COL5A1: variants seen among roughly 807,000 people sequenced by gnomAD.
The protein encoded by COL5A1 is collagen type V alpha 1 chain, also known as collagen alpha-1(V) chain.
In COL5A1, 16 loss-of-function variants were observed where a neutral mutation model predicts 263.7. The observed-to-expected ratio is 0.06, with a 90% confidence interval of 0.04 to 0.09. The LOEUF is 0.09. Among genes scored for constraint, COL5A1 ranks in the 10% least tolerant of loss-of-function variants. COL5A1 has a pLI of 1.00. For missense variants in COL5A1, 2,036 were observed against 2,540.5 expected, an observed-to-expected ratio of 0.80 and a Z score of 4.27; for synonymous variants, 1,012 against 1,004.5, an observed-to-expected ratio of 1.01 and a Z score of -0.14.
chr9:134,643,241 A>G (rs966692190), intron 1 of COL5A1, among the ~76,000 whole-genome samples: 21 of 150,836 alleles, frequency 1.4e-4, no homozygotes, highest in South Asian at 2.1e-4. Context: ...GTTTTCACAG[A>G]CTCTCGAACA....
intron 36 of COL5A1, among the ~76,000 whole-genome samples, chr9:134,797,142 G>A (rs1837943263): frequency 6.6e-6 from 1 of 152,252 alleles, no homozygotes. Context: ...TGGCACTGGA[G>A]AGGGCTGCAC....
chr9:134,642,048 C>CG lies in COL5A1; in HGVS notation c.-134dup. On this transcript the variant is annotated 5_prime_UTR_variant, in exon 1 of 66. Coordinates refer to ENST00000371817, the MANE Select transcript of COL5A1 (RefSeq NM_000093.5). This position sits in a 1 kb window ranked among gnomAD's most constrained non-coding sequence, Gnocchi z 4.5. ...GAACAGCCGCCGCCACAAAGAAGAA[C>CG]GGGGGGTGCCGAGGTCCCCATGACC... 3 of 701,828 alleles carry CG rather than the reference C, an allele frequency of 4.3e-6. No homozygotes were observed. Among genetic ancestry groups the CG allele is most frequent in the East Asian group, 3.4e-5 (1 of 29,112 alleles). The allele number at this position is 701,828 out of a possible 1,614,324, so 43.5% of individuals were successfully genotyped here.
chr9:134,790,385 C>CCACCCACCCACCCACCCAG (rs1837631141), intron 32 of COL5A1, among the ~76,000 whole-genome samples: 1 of 92,168 alleles, frequency 1.1e-5, no homozygotes, highest in African/African-American at 4.6e-5. Context: ...CATCCATCCA[C>CCACCCACCCACCCACCCAG]CCACCCACCC....
At position 134,835,031 on chromosome 9, in the gene COL5A1, C is replaced by T. The variant is rs1839798652; in HGVS notation, c.5197C>T (p.Leu1733=). 6.2e-7 allele frequency: 1 copy of T among 1,613,584 alleles called. No individual in the cohort carries two copies. Among genetic ancestry groups the T allele is most frequent in the South Asian group, 1.1e-5 (1 of 91,082 alleles). Residue 1733 remains leucine, a synonymous_variant, in exon 65 of 66, where the codon CTG becomes TTG. Coordinates refer to ENST00000371817, the MANE Select transcript of COL5A1 (RefSeq NM_000093.5). ...VGVVQMTFLR[L]LSASAHQNVT... ...TGTGGTACAGATGACCTTCCTGCGG[C>T]TGCTGAGCGCCTCTGCCCACCAGAA... is the stretch of plus-strand genomic sequence containing the variant.
chr9:134,747,910 CAT>C (rs1190306973), intron 11 of COL5A1, among the ~76,000 whole-genome samples: 2 of 151,706 alleles, frequency 1.3e-5, no homozygotes, highest in Non-Finnish European at 2.9e-5. Context: ...CATGCAGACA[CAT>C]GCACACATGC....
intron 63 of COL5A1, among the ~76,000 whole-genome samples, chr9:134,827,487 C>T (rs1017990818): frequency 6.6e-6 from 1 of 152,248 alleles, no homozygotes; most frequent in Non-Finnish European, 1.5e-5. Context: ...GCCAGAGGCC[C>T]CGCGTGGAAT....
intron 4 of COL5A1, among the ~76,000 whole-genome samples, chr9:134,715,850 C>G (rs569377710): frequency 5.9e-5 from 9 of 152,304 alleles, no homozygotes; most frequent in African/African-American, 2.2e-4. Context: ...CTACTTCTTT[C>G]TACATAGACA....
At chr9:134,773,863 C>T (rs1435949302) in intron 26 of COL5A1, among the ~76,000 whole-genome samples, 2 of 152,210 alleles carry the variant, frequency 1.3e-5, no homozygotes, top group Admixed American at 1.3e-4. Context: ...TCTTGAAGGT[C>T]GCAGCAGCCA....
chr9:134,732,150 T>C (rs28384259), intron 9 of COL5A1, 23 bp downstream of exon 9: 1 of 1,613,774 alleles, frequency 6.2e-7, no homozygotes, highest in Non-Finnish European at 8.5e-7. Context: ...TCTCATTCCC[T>C]CCCTGCGCCG....
rs1837603546 is a variant in COL5A1, at chr9:134,789,745, G to A, written c.2700+537G>A. ...GTCCTCACCCTCAGCGAAGGAACAG[G>A]GGGCCGGGCTGAGGGAGCTGTGTTC... On this transcript the variant is annotated intron_variant, in intron 32 of 65. Transcript: ENST00000371817. The surrounding 1 kb of genome is among the most constrained non-coding windows in gnomAD (Gnocchi z 4.8). 1.3e-5 allele frequency among the ~76,000 whole-genome samples: 2 copies of A among 152,294 alleles called. No individual in the cohort carries two copies. Among genetic ancestry groups the A allele is most frequent in the South Asian group, 4.2e-4 (2 of 4,818 alleles).
Position 134,818,710 on chromosome 9 carries a change from G to A in COL5A1, c.4285G>A (p.Gly1429Arg). The change falls in exon 55 of 66, where the codon GGG becomes AGG. Residue 1429 changes from glycine (G) to arginine (R), a missense_variant. Gly to Arg is a moderately radical substitution (Grantham distance 125). Around this residue, in one of 3 missense-constraint regions of COL5A1, gnomAD observed 1,078 missense variants for 1,521.4 expected, o/e 0.71. Transcript: ENST00000371817. This position sits in a 1 kb window ranked among gnomAD's most constrained non-coding sequence, Gnocchi z 6.0. ...PGKTGPIGPQ[G>R]APGKPGPDGL... ...GAAGACTGGCCCCATCGGCCCCCAG[G>A]GGGCCCCTGGGAAGCCCGGACCGGA... is the stretch of plus-strand genomic sequence containing the variant. The A allele has an allele frequency of 6.2e-7, 1 of 1,611,032 alleles. No individual in the cohort carries two copies. Among genetic ancestry groups the A allele is most frequent in the Non-Finnish European group, 8.5e-7 (1 of 1,179,104 alleles).
chr9:134,734,249 T>C (rs1402805322), intron 9 of COL5A1, among the ~76,000 whole-genome samples: 1 of 151,264 alleles, frequency 6.6e-6, no homozygotes, highest in Non-Finnish European at 1.5e-5. Flanking sequence ...GAAAGTCCAG[T>C]TCACCTTTGT....
intron 18 of COL5A1, among the ~76,000 whole-genome samples, chr9:134,760,060 C>A (rs111207694): frequency 4.4e-3 from 468 of 106,272 alleles, no homozygotes; most frequent in East Asian, 0.015. Context: ...CCACACACCC[C>A]CACACTCATA....
chr9:134,831,386 T>C (rs1377974308), intron 64 of COL5A1, among the ~76,000 whole-genome samples: 1 of 152,234 alleles, frequency 6.6e-6, no homozygotes, highest in East Asian at 1.9e-4. Context: ...GCCGTGGACT[T>C]GCAGTCCTCT....
chr9:134,811,145 G>C (rs926559626), intron 44 of COL5A1, among the ~76,000 whole-genome samples, 194 bp from the exon 45 acceptor site: 4 of 152,150 alleles, frequency 2.6e-5, no homozygotes, highest in African/African-American at 9.7e-5. Flanking sequence ...ATGGGCTCAG[G>C]GTGGAACCAA....
At chr9:134,822,951 G>A in intron 59 of COL5A1, 47 bp from the exon 60 acceptor site, 1 of 1,612,720 alleles carries the variant, frequency 6.2e-7, no homozygotes. Flanking sequence ...CGGTGGGGCT[G>A]GAGCTGAGAC....
At chr9:134,826,744 TTCGG>T (rs1839288119) in intron 63 of COL5A1, among the ~76,000 whole-genome samples, 1 of 133,954 alleles carries the variant, frequency 7.5e-6, no homozygotes, top group Admixed American at 7.2e-5. Context: ...GTACATGGTG[TTCGG>T]GTGTGTGTGG....
chr9:134,828,479 C>T (rs1008993985), intron 63 of COL5A1, among the ~76,000 whole-genome samples: 26 of 151,470 alleles, frequency 1.7e-4, no homozygotes, highest in Non-Finnish European at 2.4e-4. Context: ...ACACACCACA[C>T]GCACAGATAC....
In COL5A1 at chr9:134,701,301, G is replaced by A. The variant is rs759624894; in HGVS notation, c.622G>A (p.Gly208Ser). 4 of 1,613,992 alleles carry A rather than the reference G, an allele frequency of 2.5e-6. No individual in the cohort carries two copies. Among genetic ancestry groups the A allele is most frequent in the Non-Finnish European group, 3.4e-6 (4 of 1,180,020 alleles). ...MIDINGIIVF[G>S]TRILDEEVFE... is the part of the protein sequence containing the mutation. The stretch of plus-strand genomic sequence containing the variant: ...CGACATCAATGGCATCATCGTGTTT[G>A]GCACCCGGATCCTGGATGAGGAGGT... Residue 208 changes from glycine (G) to serine (S), a missense_variant, in exon 4 of 66, where the codon GGC (glycine) becomes AGC (serine). Gly to Ser is a moderately conservative substitution (Grantham distance 56, BLOSUM62 0). Around this residue, in one of 3 missense-constraint regions of COL5A1, gnomAD observed 600 missense variants for 634.5 expected, o/e 0.95. Coordinates refer to ENST00000371817, the MANE Select transcript of COL5A1 (RefSeq NM_000093.5).
Sources: allele counts gnomAD v4.1 joint callset (sites outside exome capture counted in the v4.1 genomes callset), GRCh38; gene constraint gnomAD v4.1.1; regional missense constraint gnomAD v4.1.1; non-coding constraint Gnocchi (gnomAD v3.1); transcripts MANE v1.5; gene names NCBI Gene and HGNC (gene_info 2026-07-23, HGNC 2026-07-21).